The following MME variants were observed in gnomAD, a reference collection of about 807,000 sequenced individuals.
The protein encoded by MME is neprilysin.
In MME, 98 loss-of-function variants were observed where a neutral mutation model predicts 113.2. That is an observed-to-expected ratio of 0.87 (90% CI 0.74 to 1.02). The LOEUF (loss-of-function observed/expected upper bound fraction) is 1.02, where lower values mean the gene tolerates loss of function less well. Among genes scored for constraint, MME ranks in the 50% least tolerant of loss-of-function variants. The pLI is 0.00. For missense variants in MME, 836 were observed against 896.0 expected, an observed-to-expected ratio of 0.93 and a Z score of 0.86; for synonymous variants, 292 against 300.6, an observed-to-expected ratio of 0.97 and a Z score of 0.30.
chr3:155,135,376 C>A (rs1274874239), intron 8 of MME, among the ~76,000 whole-genome samples: 3 of 127,368 alleles, frequency 2.4e-5, no homozygotes, highest in Non-Finnish European at 5.3e-5. Flanking sequence ...ACCCTAGCAC[C>A]ATTTTTGAAT....
intron 3 of MME, among the ~76,000 whole-genome samples, chr3:155,094,451 T>A (rs1358270152): frequency 2.0e-5 from 3 of 152,212 alleles, no homozygotes; most frequent in Non-Finnish European, 4.4e-5. Flanking sequence ...TTCATAGACA[T>A]CTTATTTCAT....
intron 1 of MME, among the ~76,000 whole-genome samples, chr3:155,042,910 A>ATATATATATATATATATATATATATATG (rs1713386317): frequency 2.0e-5 from 1 of 49,176 alleles, no homozygotes; most frequent in Non-Finnish European, 3.7e-5. Flanking sequence ...TTATATATAT[A>ATATATATATATATATATATATATATATG]TATATATATA....
chr3:155,078,045 T>TAC (rs34585642), upstream of MME, among the ~76,000 whole-genome samples: 14,735 of 139,688 alleles, frequency 0.11, 802 homozygotes, highest in African/African-American at 0.16. Flanking sequence ...AAAGTAAAAG[T>TAC]ACACACACAC....
At chr3:155,083,310 C>T (rs1715334568) in intron 1 of MME, among the ~76,000 whole-genome samples, 1 of 152,122 alleles carries the variant, frequency 6.6e-6, no homozygotes, top group Non-Finnish European at 1.5e-5. Context: ...TGGCAGTGTC[C>T]ACTTTTTGGT....
upstream of MME, among the ~76,000 whole-genome samples, chr3:155,077,450 G>C (rs1714784883): frequency 6.6e-6 from 1 of 152,150 alleles, no homozygotes. Flanking sequence ...ACTGTAAATA[G>C]TTGGGGACTC....
intron 4 of MME, among the ~76,000 whole-genome samples, chr3:155,116,046 G>A (rs1024859083): frequency 3.3e-5 from 5 of 151,810 alleles, no homozygotes; most frequent in South Asian, 2.1e-4. Context: ...GAGCATGAAC[G>A]GTACAGTCAC....
intron 16 of MME, among the ~76,000 whole-genome samples, chr3:155,156,418 T>G (rs1722311642): frequency 6.6e-6 from 1 of 152,186 alleles, no homozygotes; most frequent in Non-Finnish European, 1.5e-5. Flanking sequence ...CATTAATCCC[T>G]GTAATGAAAT....
In MME at chr3:155,166,988, G is replaced by A. The variant is rs764485980; in HGVS notation, c.1747G>A (p.Gly583Arg). Residue 583 changes from glycine (G) to arginine (R), a missense_variant, in exon 18 of 23, where the codon GGA (glycine) becomes AGA (arginine). By Grantham distance (125) the Gly-to-Arg change is moderately radical. Coordinates refer to ENST00000360490, the MANE Select transcript of MME (RefSeq NM_007289.4). ...CTATGGGGGCATCGGCATGGTCATA[G>A]GACACGAAATCACCCATGGCTTCGA... The part of the protein sequence containing the change: ...LNYGGIGMVI[G>R]HEITHGFDDN... 1 of 1,613,740 alleles carries A rather than the reference G, an allele frequency of 6.2e-7. No homozygotes were observed. The highest frequency in any genetic ancestry group is 8.5e-7 in the Non-Finnish European group (1 of 1,179,766).
intron 7 of MME, among the ~76,000 whole-genome samples, chr3:155,118,441 T>C (rs1326418215): frequency 6.6e-6 from 1 of 152,220 alleles, no homozygotes; most frequent in Non-Finnish European, 1.5e-5. Flanking sequence ...TCTAACATGT[T>C]TTTGTTCACT....
intron 16 of MME, among the ~76,000 whole-genome samples, chr3:155,159,775 A>C (rs1331448632): frequency 2.0e-5 from 3 of 152,054 alleles, no homozygotes; most frequent in Non-Finnish European, 2.9e-5. Flanking sequence ...ACAGACCGAC[A>C]AATCTACTTA....
intron 1 of MME, among the ~76,000 whole-genome samples, chr3:155,034,927 G>A (rs2108116054): frequency 6.6e-6 from 1 of 152,256 alleles, no homozygotes; most frequent in East Asian, 1.9e-4. Flanking sequence ...GTTCTGTGTT[G>A]AGCAGAATGG....
chr3:155,126,329 G>A lies in MME; in HGVS notation c.720+7518G>A, dbSNP rs569830751. Among the ~76,000 whole-genome samples, 8 of 146,662 alleles carry A rather than the reference G, an allele frequency of 5.5e-5. No homozygotes were observed. The South Asian group carries it at 1.7e-3, about 31-fold the overall frequency. On this transcript the variant is annotated intron_variant, in intron 8 of 22. Coordinates refer to ENST00000360490, the MANE Select transcript of MME (RefSeq NM_007289.4). ...TTATATCAAATTTTTCAAATCCTAT[G>A]ATACATATTTTTTTTACATTTTAAT...
intron 3 of MME, chr3:155,090,340 C>G (rs1013040415): frequency 6.6e-6 from 1 of 152,174 alleles, no homozygotes; most frequent in African/African-American, 2.4e-5. Flanking sequence ...CAGCGGTCCC[C>G]TTCTTATCCT....
chr3:155,065,730 C>T (rs1173214668), intron 1 of MME, among the ~76,000 whole-genome samples: 1 of 152,088 alleles, frequency 6.6e-6, no homozygotes, highest in South Asian at 2.1e-4. Flanking sequence ...CTGGGAGGTG[C>T]CTTAAATAGA....
Position 155,035,329 on chromosome 3 carries a change from T to C in MME, c.-11+11005T>C, listed in dbSNP as rs556521815. On this transcript the variant is annotated intron_variant, in intron 1 of 22. Transcript: ENST00000492661. ...CATTAAATATAAAATGTAAATTATA[T>C]ATTATATATAAATAATAAAATAATA... Among the ~76,000 whole-genome samples, 3 of 148,426 alleles carry C rather than the reference T, an allele frequency of 2.0e-5. No homozygotes were observed. The East Asian group carries it at 5.8e-4, about 29-fold the overall frequency.
chr3:155,033,513 CTAT>C (rs1447353045), intron 1 of MME, among the ~76,000 whole-genome samples: 5 of 151,982 alleles, frequency 3.3e-5, no homozygotes, highest in African/African-American at 1.2e-4. Flanking sequence ...GTGAAAATGC[CTAT>C]TGTTATAAAT....
intron 3 of MME, among the ~76,000 whole-genome samples, chr3:155,098,271 G>T (rs944186598): frequency 6.6e-6 from 1 of 151,954 alleles, no homozygotes; most frequent in Non-Finnish European, 1.5e-5. Flanking sequence ...AAATAGAGTG[G>T]CTGGCTGGGC....
intron 14 of MME, 87 bp from the exon 15 acceptor site, chr3:155,147,057 T>C (rs758867058): frequency 1.2e-6 from 1 of 839,486 alleles, no homozygotes; most frequent in Non-Finnish European, 2.1e-6. Flanking sequence ...TGGATCAAGT[T>C]ATTCAATTGC....
rs1389159846 is a variant in MME at position 155,140,256 on chromosome 3, G to A, written c.921G>A (p.Gln307=). 1 of 1,612,694 alleles carries A rather than the reference G, an allele frequency of 6.2e-7. No individual in the cohort carries two copies. The highest frequency in any genetic ancestry group is 1.1e-5 in the South Asian group (1 of 91,040). Reference sequence around the variant, plus strand: ...TGTATAACAAGATGACATTGGCCCAGATCCAAAATAACTTTTCACTAGAGA... The same window carrying A: ...TGTATAACAAGATGACATTGGCCCAAATCCAAAATAACTTTTCACTAGAGA... ...MLLYNKMTLA[Q]IQNNFSLEIN... is the part of the protein sequence containing the mutation. Residue 307 remains glutamine, a synonymous_variant, in exon 10 of 23, where the codon CAG becomes CAA. Transcript: ENST00000360490.
Sources: allele counts gnomAD v4.1 joint callset (sites outside exome capture counted in the v4.1 genomes callset), GRCh38; gene constraint gnomAD v4.1.1; transcripts MANE v1.5; gene names NCBI Gene and HGNC (gene_info 2026-07-23, HGNC 2026-07-21).